Variants in EFR3B observed in about 807,000 individuals in gnomAD.
EFR3B encodes the protein protein EFR3 homolog B.
A neutral mutation model predicts 104.7 loss-of-function variants in EFR3B; 64 were observed. The ratio of observed to expected loss-of-function variants is 0.61; its 90% CI spans 0.50 to 0.75. EFR3B has a LOEUF of 0.75. EFR3B is among the 30% of genes least tolerant of loss of function. EFR3B has a pLI of 0.00. For missense variants in EFR3B, 750 were observed against 1,078.5 expected (o/e 0.70, Z 4.27); for synonymous variants, 385 against 417.9 (o/e 0.92, Z 0.96).
chr2:25,075,327 T>G (rs970396932), intron 1 of EFR3B, among the ~76,000 whole-genome samples: 4 of 152,226 alleles, frequency 2.6e-5, no homozygotes, highest in Non-Finnish European at 4.4e-5. Context: ...GGTTTTCTCT[T>G]CTGAAGATTA....
chr2:25,057,288 T>G (rs1668047529), intron 1 of EFR3B, among the ~76,000 whole-genome samples: 1 of 152,214 alleles, frequency 6.6e-6, no homozygotes, highest in Non-Finnish European at 1.5e-5. Context: ...ATTCTTGCTT[T>G]GCATGCATTC....
chr2:25,151,563 C>T (rs1671009868), intron 20 of EFR3B, among the ~76,000 whole-genome samples: 1 of 152,094 alleles, frequency 6.6e-6, no homozygotes, highest in Non-Finnish European at 1.5e-5. Flanking sequence ...GCCTCAATGT[C>T]CCTTTTCAAA....
At chr2:25,149,055 A>C (rs1342746482) in intron 19 of EFR3B, among the ~76,000 whole-genome samples, 1 of 151,614 alleles carries the variant, frequency 6.6e-6, no homozygotes, top group Non-Finnish European at 1.5e-5. Context: ...AAGATGTTTT[A>C]AAATTGCAGT....
rs1670551516 is a variant in EFR3B, at chr2:25,137,526, A to G, written c.1722+24A>G. 3 of 1,551,552 alleles carry G rather than the reference A, an allele frequency of 1.9e-6. No individual in the cohort carries two copies. The highest frequency in any genetic ancestry group is 2.7e-5 in the African/African-American group (2 of 73,166). ...AGGTGGGGCCTGGTGTGCGCAGGGCATGGGGCTTGGGATCAGGGGAGGGAC... is the reference window on the plus strand; with the variant it reads ...AGGTGGGGCCTGGTGTGCGCAGGGCGTGGGGCTTGGGATCAGGGGAGGGAC... On this transcript the variant is annotated intron_variant, in intron 15 of 22. Coordinates refer to ENST00000403714, the MANE Select transcript of EFR3B (RefSeq NM_014971.2). The surrounding 1 kb of genome is among the most constrained non-coding windows in gnomAD (Gnocchi z 4.7).
intron 21 of EFR3B, among the ~76,000 whole-genome samples, chr2:25,152,693 C>A (rs1449168227): frequency 6.6e-6 from 1 of 152,024 alleles, no homozygotes; most frequent in Non-Finnish European, 1.5e-5. Flanking sequence ...ATTTATTAGC[C>A]CCGAATGTCA....
In EFR3B at chr2:25,155,106, T is replaced by G. The variant is rs1237516610; in HGVS notation, c.*766T>G. The stretch of plus-strand genomic sequence containing the variant: ...CCTGTCTGCTGGACGTTTTTCAGAG[T>G]TGGGTTCTCTCTCTTTGATGTCTTT... On this transcript the variant is annotated 3_prime_UTR_variant, in exon 23 of 23. Coordinates refer to ENST00000403714, the MANE Select transcript of EFR3B (RefSeq NM_014971.2). The G allele has an allele frequency of 6.6e-6, 1 of 152,220 alleles. No individual in the cohort carries two copies. Among genetic ancestry groups the G allele is most frequent in the South Asian group, 2.1e-4 (1 of 4,816 alleles). The allele number at this position is 152,220 out of a possible 1,614,324, so 9.4% of individuals were successfully genotyped here. A position where few individuals can be genotyped will look rare whatever the true frequency, so the allele number is the denominator to read the frequency against.
intron 3 of EFR3B, among the ~76,000 whole-genome samples, chr2:25,102,266 T>C (rs1669448562): frequency 6.6e-6 from 1 of 152,170 alleles, no homozygotes; most frequent in South Asian, 2.1e-4. Context: ...GGCCCTCTTT[T>C]TTGCTTCTCC....
intron 4 of EFR3B, among the ~76,000 whole-genome samples, chr2:25,119,195 A>C (rs953701178): frequency 1.3e-5 from 2 of 152,250 alleles, no homozygotes; most frequent in African/African-American, 4.8e-5. Flanking sequence ...AACCTCAGTG[A>C]CAACCGGGCT....
intron 4 of EFR3B, among the ~76,000 whole-genome samples, chr2:25,104,502 A>C (rs1169647617): frequency 6.6e-6 from 1 of 152,202 alleles, no homozygotes; most frequent in Non-Finnish European, 1.5e-5. Context: ...TTTCCCCTCA[A>C]ATAATTTTAA....
At chr2:25,121,823 T>G in intron 5 of EFR3B, 29 bp downstream of exon 5, 2 of 1,551,756 alleles carry the variant, frequency 1.3e-6, no homozygotes, top group South Asian at 2.4e-5. Context: ...GGGTAGTTGG[T>G]TCAGCTTACA....
intron 1 of EFR3B, among the ~76,000 whole-genome samples, chr2:25,059,018 A>G (rs1035781249): frequency 2.0e-5 from 3 of 152,198 alleles, no homozygotes; most frequent in Non-Finnish European, 4.4e-5. Flanking sequence ...ATTATTCACA[A>G]TGGCCTAACC....
intron 1 of EFR3B, among the ~76,000 whole-genome samples, chr2:25,048,542 G>A (rs1292446185): frequency 6.6e-6 from 1 of 152,224 alleles, no homozygotes; most frequent in East Asian, 1.9e-4. Context: ...TCCCTAGACT[G>A]TAGCCCTTCA....
chr2:25,136,986 CCT>C lies in EFR3B; in HGVS notation c.1561-348_1561-347del, dbSNP rs1670533557. ...GTCTCCTCCCTCTGTAGCTCTGTCT[CCT>C]CTCTCTGTAGCTACGTCTCCTCCCT... is the stretch of plus-strand genomic sequence containing the variant. On this transcript the variant is annotated intron_variant, in intron 14 of 22. Coordinates refer to ENST00000403714, the MANE Select transcript of EFR3B (RefSeq NM_014971.2). This position sits in a 1 kb window ranked among gnomAD's most constrained non-coding sequence, Gnocchi z 4.0. Among the ~76,000 whole-genome samples, 6 of 152,094 alleles carry C rather than the reference CCT, an allele frequency of 3.9e-5. No individual in the cohort carries two copies. Among genetic ancestry groups the C allele is most frequent in the Admixed American group, 3.9e-4 (6 of 15,258 alleles).
intron 1 of EFR3B, among the ~76,000 whole-genome samples, chr2:25,045,184 A>C (rs1223658410): frequency 6.6e-6 from 1 of 151,814 alleles, no homozygotes; most frequent in Non-Finnish European, 1.5e-5. Flanking sequence ...TGTTTGTATC[A>C]CCTGCCACCC....
intron 3 of EFR3B, among the ~76,000 whole-genome samples, 178 bp from the exon 4 acceptor site, chr2:25,103,459 G>A (rs142977301): frequency 4.6e-5 from 7 of 152,358 alleles, no homozygotes; most frequent in Admixed American, 4.6e-4. Flanking sequence ...TTCTGACTCA[G>A]TTCTGGGCTG....
chr2:25,092,437 C>CAA (rs1669153475), intron 2 of EFR3B, among the ~76,000 whole-genome samples: 1 of 108,204 alleles, frequency 9.2e-6, no homozygotes, highest in Non-Finnish European at 2.1e-5. Flanking sequence ...CACACACACA[C>CAA]ACACACGGTA....
At chr2:25,123,934 G>A (rs1234436212) in intron 5 of EFR3B, among the ~76,000 whole-genome samples, 1 of 152,230 alleles carries the variant, frequency 6.6e-6, no homozygotes, top group Non-Finnish European at 1.5e-5. Flanking sequence ...TTGGCTCCCA[G>A]CCACCAGCAG....
intron 4 of EFR3B, 98 bp from the exon 5 acceptor site, chr2:25,121,574 TC>T (rs1472327095): frequency 5.5e-6 from 8 of 1,467,558 alleles, no homozygotes; most frequent in Non-Finnish European, 7.4e-6. Context: ...GATGCGTGGT[TC>T]CCATGGCTTG....
At chr2:25,100,927 A>G (rs569128349) in intron 3 of EFR3B, among the ~76,000 whole-genome samples, 2 of 152,334 alleles carry the variant, frequency 1.3e-5, no homozygotes, top group Admixed American at 6.5e-5. Flanking sequence ...ATGGTCTCCC[A>G]TCTAGCAGGA....
Sources: allele counts gnomAD v4.1 joint callset (sites outside exome capture counted in the v4.1 genomes callset), GRCh38; gene constraint gnomAD v4.1.1; non-coding constraint Gnocchi (gnomAD v3.1); transcripts MANE v1.5; gene names NCBI Gene and HGNC (gene_info 2026-07-23, HGNC 2026-07-21).